ULK4: variants seen among roughly 807,000 people sequenced by gnomAD.
ULK4 encodes the protein inactive serine/threonine-protein kinase ULK4.
Under a neutral mutation model 160.6 loss-of-function variants are expected in ULK4, and 133 were observed. That is an observed-to-expected ratio of 0.83 (90% confidence interval 0.72 to 0.96). The LOEUF (loss-of-function observed/expected upper bound fraction) is 0.96, where lower values mean the gene tolerates loss of function less well. ULK4 is among the 40% of genes least tolerant of loss of function. ULK4 has a pLI of 0.00. For synonymous variants in ULK4, 534 were observed against 539.8 expected, an observed-to-expected ratio of 0.99 and a Z score of 0.15; for missense variants, 1,580 against 1,499.5, an observed-to-expected ratio of 1.05 and a Z score of -0.89.
At chr3:41,788,545 C>T (rs2125590919) in intron 21 of ULK4, among the ~76,000 whole-genome samples, 1 of 152,128 alleles carries the variant, frequency 6.6e-6, no homozygotes, top group African/African-American at 2.4e-5. Flanking sequence ...AAAAAATTAG[C>T]CAGGCGTGGT....
chr3:41,703,981 C>A (rs1235045579), intron 27 of ULK4, among the ~76,000 whole-genome samples: 3 of 152,088 alleles, frequency 2.0e-5, no homozygotes, highest in African/African-American at 7.2e-5. Context: ...ATGAAGGTGT[C>A]AAAATCAACT....
intron 35 of ULK4, among the ~76,000 whole-genome samples, chr3:41,262,076 C>T (rs2078956958): frequency 6.6e-6 from 1 of 152,210 alleles, no homozygotes; most frequent in South Asian, 2.1e-4. Context: ...CTGCATCCCA[C>T]CCCATTGTTG....
intron 22 of ULK4, among the ~76,000 whole-genome samples, chr3:41,752,241 T>C (rs1228607285): frequency 6.6e-6 from 1 of 152,206 alleles, no homozygotes; most frequent in African/African-American, 2.4e-5. Context: ...TAACTCTATA[T>C]GGTAGAACTG....
Position 41,323,355 on chromosome 3 carries a change from GA to G in ULK4, c.3679-73782del, listed in dbSNP as rs1344115687. On this transcript the variant is annotated intron_variant, in intron 35 of 36. Transcript: ENST00000301831. ...ATGGGAGTGAATATTGAAGGGGAAG[GA>G]AAAAAAATTAAATCCCGACCCCTTC... Among the ~76,000 whole-genome samples, 4 of 126,880 alleles carry G rather than the reference GA, an allele frequency of 3.2e-5. No individual in the cohort carries two copies. The South Asian group carries it at 1.0e-3, about 33-fold the overall frequency. 83.2% of individuals were successfully genotyped at this position (126,880 alleles called of 152,430 possible).
chr3:41,264,741 C>A (rs1224788024), intron 35 of ULK4, among the ~76,000 whole-genome samples: 2 of 152,212 alleles, frequency 1.3e-5, no homozygotes, highest in African/African-American at 4.8e-5. Context: ...ATCTCTTCAA[C>A]AGATTATATT....
intron 30 of ULK4, among the ~76,000 whole-genome samples, chr3:41,661,853 A>G (rs2035182615): frequency 6.6e-6 from 1 of 152,196 alleles, no homozygotes; most frequent in African/African-American, 2.4e-5. Flanking sequence ...CACTTTTAAG[A>G]TAAAAAAGAT....
chr3:41,822,546 T>G (rs1473155687), intron 18 of ULK4, among the ~76,000 whole-genome samples: 1 of 151,864 alleles, frequency 6.6e-6, no homozygotes, highest in East Asian at 1.9e-4. Flanking sequence ...ACCTCCCAAG[T>G]AGCTGGGATT....
intron 16 of ULK4, among the ~76,000 whole-genome samples, chr3:41,891,123 GC>G (rs575033567): frequency 3.6e-3 from 1 of 280 alleles, no homozygotes; most frequent in African/African-American, 5.2e-3. Context: ...AGGGACGGGA[GC>G]GGGGAAGGAA....
intron 18 of ULK4, among the ~76,000 whole-genome samples, chr3:41,827,055 G>A (rs1042905564): frequency 2.0e-5 from 3 of 150,904 alleles, no homozygotes; most frequent in Non-Finnish European, 2.9e-5. Context: ...GCTCCTGAAT[G>A]ACTACTGGGT....
chr3:41,329,076 T>A (rs1056742445), intron 35 of ULK4, among the ~76,000 whole-genome samples: 4 of 152,234 alleles, frequency 2.6e-5, no homozygotes, highest in African/African-American at 9.6e-5. Flanking sequence ...ATCACTGATA[T>A]CTTCTCTGTC....
intron 17 of ULK4, among the ~76,000 whole-genome samples, chr3:41,870,044 T>A (rs1697033707): frequency 6.6e-6 from 1 of 152,212 alleles, no homozygotes; most frequent in Admixed American, 6.5e-5. Flanking sequence ...TAATGGCATC[T>A]ATGGTTTCCA....
intron 22 of ULK4, among the ~76,000 whole-genome samples, chr3:41,718,683 C>T (rs1351973709): frequency 6.6e-6 from 1 of 152,152 alleles, no homozygotes; most frequent in East Asian, 1.9e-4. Context: ...TCCATCTATC[C>T]ATTTCTGTTA....
chr3:41,615,822 C>G lies in ULK4; in HGVS notation c.3072-105G>C, dbSNP rs879076779. On this transcript the variant is annotated intron_variant, in intron 30 of 36. Transcript: ENST00000301831. ...GCCCCCATGTTTTATTGCTAAAATT[C>G]CATGATAAGAAATAGTATGATTAAA... is the stretch of plus-strand genomic sequence containing the variant. The G allele has an allele frequency of 7.1e-6, 7 of 989,894 alleles. No homozygotes were observed. In the Admixed American group the frequency reaches 1.8e-4, roughly 25 times the overall value. 61.3% of individuals were successfully genotyped at this position (989,894 alleles called of 1,614,324 possible).
chr3:41,585,556 G>T (rs117557661), intron 31 of ULK4, among the ~76,000 whole-genome samples: 1 of 152,036 alleles, frequency 6.6e-6, no homozygotes, highest in Non-Finnish European at 1.5e-5. Context: ...GCTCTAAAAC[G>T]ATAAAACTTC....
intron 35 of ULK4, among the ~76,000 whole-genome samples, chr3:41,260,706 A>AG (rs1200079148): frequency 1.3e-5 from 2 of 152,214 alleles, no homozygotes; most frequent in East Asian, 3.9e-4. Flanking sequence ...CTTACAGAAG[A>AG]GGTAGGCCCA....
chr3:41,608,953 TA>T (rs2032520809), intron 31 of ULK4, among the ~76,000 whole-genome samples: 1 of 152,244 alleles, frequency 6.6e-6, no homozygotes, highest in African/African-American at 2.4e-5. Context: ...GTTTTTTAAC[TA>T]GACTGTCCTT....
At chr3:41,338,461 G>A (rs527469052) in intron 35 of ULK4, among the ~76,000 whole-genome samples, 1 of 152,120 alleles carries the variant, frequency 6.6e-6, no homozygotes, top group Non-Finnish European at 1.5e-5. Flanking sequence ...CCCATGAGTA[G>A]CTCTCTTAAT....
rs552308264 is a variant in ULK4 at position 41,286,570 on chromosome 3, G to A, written c.3679-36996C>T. On this transcript the variant is annotated intron_variant, in intron 35 of 36. Transcript: ENST00000301831. ...AGAGGAGGCAAGGCACATGATAAAC[G>A]TAGAAAGAAGAGCTTCTCCAGGGCC... 3.9e-5 allele frequency among the ~76,000 whole-genome samples: 6 copies of A among 152,196 alleles called. No individual in the cohort carries two copies. In the East Asian group the frequency reaches 7.7e-4, roughly 20 times the overall value.
At chr3:41,545,989 C>T (rs749474111) in intron 32 of ULK4, among the ~76,000 whole-genome samples, 8 of 152,132 alleles carry the variant, frequency 5.3e-5, no homozygotes, top group Non-Finnish European at 1.2e-4. Context: ...TACCTCATCT[C>T]TTCACTTATA....
Sources: gnomAD v4.1 joint callset for allele counts (sites outside exome capture counted in the v4.1 genomes callset) on GRCh38, gnomAD v4.1.1 for gene constraint, MANE v1.5 for transcripts, NCBI Gene and HGNC (gene_info 2026-07-23, HGNC 2026-07-21) for gene names.